Variants in KCNQ3 observed in about 807,000 individuals in gnomAD.
KCNQ3 encodes the protein potassium voltage-gated channel subfamily KQT member 3.
In KCNQ3, 30 loss-of-function variants were observed where a neutral mutation model predicts 92.5. The ratio of observed to expected loss-of-function variants is 0.32; its 90% CI spans 0.24 to 0.44. The LOEUF is 0.44. KCNQ3 is among the 20% of genes least tolerant of loss of function. The pLI is 1.00. For synonymous variants in KCNQ3, 450 were observed against 468.8 expected (o/e 0.96, Z 0.52); for missense variants, 913 against 1,140.3 (o/e 0.80, Z 2.87).
chr8:132,142,848 T>A (rs1825339426), intron 9 of KCNQ3, among the ~76,000 whole-genome samples: 1 of 152,180 alleles, frequency 6.6e-6, no homozygotes, highest in Admixed American at 6.6e-5. Context: ...GTGTTGTGGC[T>A]GCTGGAAGGG....
Position 132,319,750 on chromosome 8 carries a change from T to C in KCNQ3, c.387-133569A>G, listed in dbSNP as rs113130594. Among the ~76,000 whole-genome samples the C allele has an allele frequency of 7.6e-3, 1,151 of 152,348 alleles. 16 individuals are homozygous for C. Among genetic ancestry groups the C allele is most frequent in the African/African-American group, 0.026 (1,091 of 41,566 alleles). ...TCCTTGGATCACTGACGCAGCATGA[T>C]GTAATGGGCTTTCCATCGCTCTAAT... On this transcript the variant is annotated intron_variant, in intron 1 of 14. Coordinates refer to ENST00000388996, the MANE Select transcript of KCNQ3 (RefSeq NM_004519.4).
intron 1 of KCNQ3, among the ~76,000 whole-genome samples, chr8:132,424,796 C>T (rs1468412913): frequency 2.6e-5 from 4 of 152,168 alleles, no homozygotes; most frequent in African/African-American, 9.7e-5. Context: ...CTACATAACT[C>T]TAATTTCTGG....
chr8:132,198,705 G>T (rs995453529), intron 1 of KCNQ3, among the ~76,000 whole-genome samples: 1 of 152,086 alleles, frequency 6.6e-6, no homozygotes, highest in Non-Finnish European at 1.5e-5. Context: ...TACTTGGGAG[G>T]CTGAGGCAGG....
chr8:132,448,861 G>C (rs1431744820), intron 1 of KCNQ3, among the ~76,000 whole-genome samples: 1 of 152,096 alleles, frequency 6.6e-6, no homozygotes, highest in Non-Finnish European at 1.5e-5. Context: ...CCATCATTTA[G>C]TTTGGCATTT....
Position 132,120,984 on chromosome 8 carries a change from T to C in KCNQ3, c.*8278A>G, listed in dbSNP as rs1421859796. 1 of 152,202 alleles carries C rather than the reference T, an allele frequency of 6.6e-6. No individual in the cohort carries two copies. The highest frequency in any genetic ancestry group is 1.5e-5 in the Non-Finnish European group (1 of 68,048). The allele number at this position is 152,202 out of a possible 1,614,324, so 9.4% of individuals were successfully genotyped here. On this transcript the variant is annotated 3_prime_UTR_variant, in exon 15 of 15. Transcript: ENST00000388996. ...CAACCTATTAAAGTTGTTCAAATAT[T>C]GGACAGAGCCAGAATATAAATTACA...
chr8:132,370,376 C>G (rs1031280567), intron 1 of KCNQ3, among the ~76,000 whole-genome samples: 10 of 152,324 alleles, frequency 6.6e-5, no homozygotes, highest in Admixed American at 5.2e-4. Context: ...ACAGCAGGAA[C>G]AGGTATGATT....
At chr8:132,290,907 G>A (rs1396469790) in intron 1 of KCNQ3, among the ~76,000 whole-genome samples, 1 of 152,124 alleles carries the variant, frequency 6.6e-6, no homozygotes, top group Non-Finnish European at 1.5e-5. Flanking sequence ...TGTCTGGAAG[G>A]GACAGGCACC....
intron 9 of KCNQ3, among the ~76,000 whole-genome samples, chr8:132,145,785 T>A (rs1180375329): frequency 1.3e-5 from 2 of 152,192 alleles, no homozygotes; most frequent in Non-Finnish European, 2.9e-5. Flanking sequence ...CAGGAAGGCA[T>A]CTTGAGTAAA....
chr8:132,420,005 G>T (rs966520374), intron 1 of KCNQ3, among the ~76,000 whole-genome samples: 1 of 152,188 alleles, frequency 6.6e-6, no homozygotes, highest in Non-Finnish European at 1.5e-5. Context: ...ATAAACAACA[G>T]AAATTTATTT....
At chr8:132,178,677 C>A (rs1372113147) in intron 4 of KCNQ3, among the ~76,000 whole-genome samples, 2 of 151,998 alleles carry the variant, frequency 1.3e-5, no homozygotes, top group Non-Finnish European at 2.9e-5. Context: ...GATGCAATCT[C>A]ATAGGAAACC....
Position 132,241,813 on chromosome 8 carries a change from G to A in KCNQ3, c.387-55632C>T, listed in dbSNP as rs530190360. Among the ~76,000 whole-genome samples the A allele has an allele frequency of 6.6e-5, 10 of 151,956 alleles. No individual in the cohort carries two copies. In the South Asian group the frequency reaches 1.5e-3, roughly 22 times the overall value. ...GGTGCCACTGCACTCCAGCCTGGGC[G>A]ACAAGAGCGAGACTCCGTCTAAATT... On this transcript the variant is annotated intron_variant, in intron 1 of 14. Coordinates refer to ENST00000388996, the MANE Select transcript of KCNQ3 (RefSeq NM_004519.4).
intron 1 of KCNQ3, among the ~76,000 whole-genome samples, chr8:132,392,543 T>C (rs1716653538): frequency 1.3e-5 from 2 of 151,994 alleles, no homozygotes; most frequent in Non-Finnish European, 2.9e-5. Flanking sequence ...CTCAACTCTA[T>C]ATTCAAACCT....
intron 1 of KCNQ3, among the ~76,000 whole-genome samples, chr8:132,435,524 T>G (rs1315897289): frequency 2.0e-5 from 3 of 152,166 alleles, no homozygotes; most frequent in Non-Finnish European, 2.9e-5. Context: ...CATTCAATTT[T>G]CAAAGCACCT....
At chr8:132,450,419 T>C (rs1821794654) in intron 1 of KCNQ3, among the ~76,000 whole-genome samples, 1 of 152,138 alleles carries the variant, frequency 6.6e-6, no homozygotes. Flanking sequence ...TGCTGATTGG[T>C]GCATTTTATA....
intron 1 of KCNQ3, among the ~76,000 whole-genome samples, chr8:132,464,757 A>T (rs566958547): frequency 6.6e-6 from 1 of 152,238 alleles, no homozygotes; most frequent in Non-Finnish European, 1.5e-5. Flanking sequence ...TGGACTCAGT[A>T]TCTGCATATA....
intron 1 of KCNQ3, among the ~76,000 whole-genome samples, chr8:132,463,297 G>A (rs1822103253): frequency 6.6e-6 from 1 of 152,204 alleles, no homozygotes; most frequent in Non-Finnish European, 1.5e-5. Flanking sequence ...GAAAAACCTA[G>A]AGGAAGAAAG....
At chr8:132,257,315 T>C (rs1451321144) in intron 1 of KCNQ3, among the ~76,000 whole-genome samples, 2 of 151,916 alleles carry the variant, frequency 1.3e-5, no homozygotes, top group African/African-American at 4.8e-5. Flanking sequence ...AATGAAAGAA[T>C]GGAGGACCAA....
At chr8:132,385,810 G>A (rs1487819699) in intron 1 of KCNQ3, among the ~76,000 whole-genome samples, 3 of 151,966 alleles carry the variant, frequency 2.0e-5, no homozygotes, top group Non-Finnish European at 4.4e-5. Flanking sequence ...AAATATAAGA[G>A]CAAGGAAAAA....
At chr8:132,285,601 C>T (rs1371288722) in intron 1 of KCNQ3, among the ~76,000 whole-genome samples, 1 of 152,196 alleles carries the variant, frequency 6.6e-6, no homozygotes, top group East Asian at 1.9e-4. Flanking sequence ...TTTGAAAAAT[C>T]CACAGCCTGA....
Sources: allele counts gnomAD v4.1 joint callset (sites outside exome capture counted in the v4.1 genomes callset), GRCh38; gene constraint gnomAD v4.1.1; transcripts MANE v1.5; gene names NCBI Gene and HGNC (gene_info 2026-07-23, HGNC 2026-07-21).